The following ZNF782 variants were observed in gnomAD, a reference collection of about 807,000 sequenced individuals.
The protein encoded by ZNF782 is zinc finger protein 782.
Under a neutral mutation model 13.0 loss-of-function variants are expected in ZNF782, and 12 were observed. The observed-to-expected ratio is 0.92, with a 90% confidence interval of 0.59 to 1.50. ZNF782 has a LOEUF of 1.50. Ranked by LOEUF, ZNF782 falls within the 40% of genes most tolerant of loss-of-function variation. The pLI, the probability that ZNF782 is intolerant of heterozygous loss-of-function variation, is 0.00. For synonymous variants in ZNF782, 284 were observed against 283.0 expected, an observed-to-expected ratio of 1.00 and a Z score of -0.04; for missense variants, 770 against 822.9, an observed-to-expected ratio of 0.94 and a Z score of 0.79.
At chr9:96,894,359 A>C in the ZNF782 span, 4 of 152,094 alleles carry the variant, frequency 2.6e-5, no homozygotes, top group Non-Finnish European at 4.4e-5. Context: ...AAGAACCTCC[A>C]TGCTCAATAT....
In ZNF782 at chr9:96,821,669, CTTTTTTT is replaced by C. The variant is rs1232848204; in HGVS notation, c.245-1898_245-1892del. ...TAGTTGTACGTCAAATAATAGTTCA[CTTTTTTT>C]TTTTTTTTTCTTGAGACAGAGTCCT... is the stretch of plus-strand genomic sequence containing the variant. On this transcript the variant is annotated intron_variant, in intron 5 of 5. Coordinates refer to ENST00000481138, the MANE Select transcript of ZNF782 (RefSeq NM_001001662.3). Among the ~76,000 whole-genome samples the C allele has an allele frequency of 8.5e-5, 12 of 141,298 alleles. No homozygotes were observed. The Admixed American group carries it at 8.5e-4, about 10-fold the overall frequency. The allele number at this position is 141,298 out of a possible 152,430, so 92.7% of individuals were successfully genotyped here.
the ZNF782 span, among the ~76,000 whole-genome samples, chr9:96,897,524 C>A: frequency 2.0e-5 from 3 of 151,962 alleles, no homozygotes; most frequent in Non-Finnish European, 4.4e-5. Context: ...CAGAATTCCA[C>A]TCCACAGGCA....
At chr9:96,892,515 CTG>C in the ZNF782 span, 1 of 152,244 alleles carries the variant, frequency 6.6e-6, no homozygotes, top group Non-Finnish European at 1.5e-5. Context: ...CACGCCTTTG[CTG>C]TGTGATGGAC....
chr9:96,887,956 G>A, the ZNF782 span: 3 of 145,012 alleles, frequency 2.1e-5, no homozygotes, highest in African/African-American at 5.1e-5. Context: ...CTCATAGGTG[G>A]GAATTGAACA....
chr9:96,903,279 G>A, the ZNF782 span, among the ~76,000 whole-genome samples: 2 of 151,998 alleles, frequency 1.3e-5, no homozygotes, highest in Non-Finnish European at 2.9e-5. Flanking sequence ...ATCTTTTTGA[G>A]GTTGTCATAA....
intron 4 of ZNF782, among the ~76,000 whole-genome samples, chr9:96,828,033 G>C (rs1210947712): frequency 6.6e-6 from 1 of 152,190 alleles, no homozygotes; most frequent in Non-Finnish European, 1.5e-5. Context: ...TGCCAGCGAA[G>C]AAAGAGCTAT....
intron 1 of ZNF782, among the ~76,000 whole-genome samples, chr9:96,861,988 C>A (rs766618155): frequency 6.6e-6 from 1 of 152,198 alleles, no homozygotes; most frequent in Non-Finnish European, 1.5e-5. Context: ...CTGTTCACAA[C>A]AGCCAAGATT....
At chr9:96,824,540 G>A (rs1192078141) in intron 5 of ZNF782, among the ~76,000 whole-genome samples, 3 of 151,318 alleles carry the variant, frequency 2.0e-5, no homozygotes, top group African/African-American at 4.9e-5. Flanking sequence ...ACATAGTGTT[G>A]GAAGTTCTGG....
At chr9:96,890,677 A>G in the ZNF782 span, 1 of 152,216 alleles carries the variant, frequency 6.6e-6, no homozygotes, top group African/African-American at 2.4e-5. Context: ...ACAGTATTTT[A>G]TTTAACTGTG....
the ZNF782 span, among the ~76,000 whole-genome samples, chr9:96,922,705 C>T: frequency 3.9e-4 from 58 of 150,022 alleles, no homozygotes; most frequent in Admixed American, 1.4e-3. Flanking sequence ...ACCCGGGAGG[C>T]GGAGTTTGCA....
Position 96,818,330 on chromosome 9 carries a change from T to G in ZNF782, c.1693A>C (p.Asn565His). The G allele has an allele frequency of 6.2e-7, 1 of 1,614,104 alleles. No homozygotes were observed. The highest frequency in any genetic ancestry group is 8.5e-7 in the Non-Finnish European group (1 of 1,180,004). Reference sequence around the variant, plus strand: ...TGACTGAAAGCTTCCCCACAATGATTACATTTATAGGGTTTTTCCCCTGTG... The same window carrying G: ...TGACTGAAAGCTTCCCCACAATGATGACATTTATAGGGTTTTTCCCCTGTG... ...IHTGEKPYKC[N>H]HCGEAFSQKS... is the part of the protein sequence containing the mutation. The change falls in exon 6 of 6, where the codon AAT becomes CAT. Residue 565 changes from asparagine (N) to histidine (H), a missense_variant. Asn to His is a moderately conservative substitution (Grantham distance 68). Coordinates refer to ENST00000481138, the MANE Select transcript of ZNF782 (RefSeq NM_001001662.3).
At chr9:96,866,052 G>A (rs1024254932) in intron 1 of ZNF782, among the ~76,000 whole-genome samples, 2 of 152,194 alleles carry the variant, frequency 1.3e-5, no homozygotes, top group African/African-American at 4.8e-5. Flanking sequence ...TTTGCAGCCT[G>A]ACAATGTGAT....
chr9:96,832,454 G>A (rs973397086), intron 4 of ZNF782, among the ~76,000 whole-genome samples: 32 of 152,100 alleles, frequency 2.1e-4, no homozygotes, highest in African/African-American at 7.5e-4. Flanking sequence ...CTTCTTTCCT[G>A]ATGCTTGAAA....
intron 4 of ZNF782, among the ~76,000 whole-genome samples, chr9:96,834,175 T>C (rs911666225): frequency 2.3e-4 from 35 of 152,216 alleles, no homozygotes; most frequent in African/African-American, 8.0e-4. Flanking sequence ...CCCCACGTCA[T>C]GGGACGGACC....
chr9:96,878,485 G>T (rs535829404), upstream of ZNF782, among the ~76,000 whole-genome samples: 43 of 152,258 alleles, frequency 2.8e-4, no homozygotes, highest in African/African-American at 9.9e-4. Flanking sequence ...TCCCAAGTAC[G>T]ACCAATTGTC....
rs1257461658 is a variant in ZNF782 at position 96,818,996 on chromosome 9, A to C, written c.1027T>G (p.Cys343Gly). The change falls in exon 6 of 6, where the codon TGT becomes GGT. Residue 343 changes from cysteine to glycine, a missense_variant. Cys to Gly is a radical substitution (Grantham distance 159, BLOSUM62 -3). Transcript: ENST00000481138. ...GACTGGTAGCTGAATGTCTCTGTAC[A>C]TGGGTGATAATCAGAGTATTTATCT... ...ATDKYSDYHP[C>G]TETFSYQSTF... 3.1e-6 allele frequency: 5 copies of C among 1,614,178 alleles called. No individual in the cohort carries two copies. The highest frequency in any genetic ancestry group is 4.2e-6 in the Non-Finnish European group (5 of 1,180,020).
the ZNF782 span, among the ~76,000 whole-genome samples, chr9:96,910,765 T>C: frequency 2.0e-5 from 3 of 148,054 alleles, no homozygotes; most frequent in South Asian, 4.3e-4. Context: ...GCCTCCCGAG[T>C]AGCTGGGACT....
chr9:96,822,540 G>A (rs1309537582), intron 5 of ZNF782, among the ~76,000 whole-genome samples: 1 of 152,160 alleles, frequency 6.6e-6, no homozygotes, highest in Non-Finnish European at 1.5e-5. Flanking sequence ...GAGTAATAGT[G>A]CTTTCCCCCT....
At chr9:96,881,089 T>C in the ZNF782 span, among the ~76,000 whole-genome samples, 3 of 152,150 alleles carry the variant, frequency 2.0e-5, no homozygotes, top group Admixed American at 6.5e-5. Flanking sequence ...AAGCTTTTAA[T>C]GTCTGTAGGT....
Sources: allele counts gnomAD v4.1 joint callset (sites outside exome capture counted in the v4.1 genomes callset), GRCh38; gene constraint gnomAD v4.1.1; transcripts MANE v1.5; gene names NCBI Gene and HGNC (gene_info 2026-07-23, HGNC 2026-07-21).